ZFC3H1: variants seen among roughly 807,000 people sequenced by gnomAD.
ZFC3H1 encodes zinc finger C3H1-type containing, also known as zinc finger C3H1 domain-containing protein.
Under a neutral mutation model 243.7 loss-of-function variants are expected in ZFC3H1, and 71 were observed. That is an observed-to-expected ratio of 0.29 (90% CI 0.24 to 0.36). The LOEUF (loss-of-function observed/expected upper bound fraction) is 0.36. ZFC3H1 is among the 10% of genes least tolerant of loss of function. The probability of loss-of-function intolerance (pLI) is 1.00; values close to 1 mark genes in which losing one functional copy is unlikely to be tolerated. For synonymous variants in ZFC3H1, 838 were observed against 813.0 expected (o/e 1.03, Z -0.52); for missense variants, 1,966 against 2,317.1 (o/e 0.85, Z 3.11).
At chr12:71,643,458 G>A (rs1880651165) in intron 5 of ZFC3H1, among the ~76,000 whole-genome samples, 2 of 151,420 alleles carry the variant, frequency 1.3e-5, no homozygotes, top group Non-Finnish European at 2.9e-5. Flanking sequence ...AATATTCCTT[G>A]CTTAAGCAAA....
intron 26 of ZFC3H1, among the ~76,000 whole-genome samples, 158 bp from the exon 27 acceptor site, chr12:71,619,567 T>G (rs374464319): frequency 2.0e-5 from 3 of 152,284 alleles, no homozygotes; most frequent in African/African-American, 2.4e-5. Context: ...CTCAGAAAAC[T>G]TTTATATTTT....
At position 71,615,289 on chromosome 12, in the gene ZFC3H1, A is replaced by C; in HGVS notation, c.5172T>G (p.Ile1724Met). The C allele has an allele frequency of 6.2e-7, 1 of 1,613,180 alleles. No individual in the cohort carries two copies. The highest frequency in any genetic ancestry group is 2.2e-5 in the East Asian group (1 of 44,824). Residue 1724 changes from isoleucine (I) to methionine (M), a missense_variant, in exon 28 of 35, where the codon ATT becomes ATG. Physicochemically the swap from Ile to Met is conservative, Grantham distance 10. Around this residue, in one of 4 missense-constraint regions of ZFC3H1, gnomAD observed 1,383 missense variants for 1,723.7 expected, o/e 0.80. Coordinates refer to ENST00000378743, the MANE Select transcript of ZFC3H1 (RefSeq NM_144982.5). ...CTTTACATAAACGAGATGGAATGTC[A>C]ATTGGTCCTGGAATATTTAAGAGAT... ...FRYLLNIPGP[I>M]DIPSRLCKGN...
At chr12:71,630,522 T>C (rs1565812741) in intron 18 of ZFC3H1, 78 bp downstream of exon 18, 1 of 1,509,296 alleles carries the variant, frequency 6.6e-7, no homozygotes, top group Non-Finnish European at 8.9e-7. Context: ...TATTTTACAA[T>C]GTCAACAACT....
At chr12:71,629,456 C>A (rs566185130) in intron 19 of ZFC3H1, among the ~76,000 whole-genome samples, 153 bp downstream of exon 19, 104 of 151,836 alleles carry the variant, frequency 6.8e-4, no homozygotes, top group South Asian at 4.8e-3. Flanking sequence ...CGTGAGCCAG[C>A]GCACCCAGCC....
intron 6 of ZFC3H1, among the ~76,000 whole-genome samples, chr12:71,638,722 A>C (rs1438187088): frequency 6.6e-6 from 1 of 152,176 alleles, no homozygotes; most frequent in African/African-American, 2.4e-5. Flanking sequence ...TTCACTTTAA[A>C]CTAATAATTA....
chr12:71,620,288 C>T lies in ZFC3H1; in HGVS notation c.4772G>A (p.Ser1591Asn), dbSNP rs1471554990. 1 of 1,614,118 alleles carries T rather than the reference C, an allele frequency of 6.2e-7. No individual in the cohort carries two copies. Among genetic ancestry groups the T allele is most frequent in the Non-Finnish European group, 8.5e-7 (1 of 1,180,012 alleles). ...EDAVKACTDE[S>N]LAVEERIEAC... ...CTCTATTCTTTCCTCAACAGCAAGG[C>T]TCTCATCTGTGCAAGCTTTCACTGC... Residue 1591 changes from serine (S) to asparagine (N), a missense_variant, in exon 25 of 35, where the codon AGC becomes AAC. Physicochemically the swap from Ser to Asn is conservative, Grantham distance 46. Transcript: ENST00000378743.
intron 24 of ZFC3H1, 62 bp downstream of exon 24, chr12:71,623,298 T>C (rs1355483563): frequency 7.6e-7 from 1 of 1,315,612 alleles, no homozygotes; most frequent in African/African-American, 1.5e-5. Flanking sequence ...TAATGGGTAG[T>C]TAATGTTCTA....
intron 6 of ZFC3H1, among the ~76,000 whole-genome samples, chr12:71,639,890 C>T (rs11837517): frequency 0.031 from 4,771 of 152,254 alleles, 211 homozygotes; most frequent in African/African-American, 0.11. Flanking sequence ...GTATTAACAG[C>T]AGCCACTTTT....
At position 71,610,990 on chromosome 12, in the gene ZFC3H1, G is replaced by A. The variant is rs1485101545; in HGVS notation, c.5769+68C>T. 3.2e-6 allele frequency: 5 copies of A among 1,560,790 alleles called. No individual in the cohort carries two copies. The East Asian group carries it at 9.0e-5, about 28-fold the overall frequency. ...TTCTGTGCTTTAATTCTTTTAAATTGAGAAGTCAACAAAAGAGACAGAAAA... is the reference window on the plus strand; with the variant it reads ...TTCTGTGCTTTAATTCTTTTAAATTAAGAAGTCAACAAAAGAGACAGAAAA... On this transcript the variant is annotated intron_variant, in intron 33 of 34. Transcript: ENST00000378743.
chr12:71,641,346 T>C (rs1049288173), intron 6 of ZFC3H1, among the ~76,000 whole-genome samples: 1 of 152,160 alleles, frequency 6.6e-6, no homozygotes. Flanking sequence ...ACTAGCCAAA[T>C]AATACATATT....
At position 71,634,144 on chromosome 12, in the gene ZFC3H1, A is replaced by T; in HGVS notation, c.2510+11T>A. 1 of 1,607,972 alleles carries T rather than the reference A, an allele frequency of 6.2e-7. No individual in the cohort carries two copies. The highest frequency in any genetic ancestry group is 8.5e-7 in the Non-Finnish European group (1 of 1,177,588). On this transcript the variant is annotated intron_variant, in intron 12 of 34. Coordinates refer to ENST00000378743, the MANE Select transcript of ZFC3H1 (RefSeq NM_144982.5). ...AGGAACAATTAGATATGTGAAGATA[A>T]CAAGGCTCACCTATGTTTTTTCAGT...
chr12:71,613,766 A>T, intron 30 of ZFC3H1: 1 of 176,072 alleles, frequency 5.7e-6, no homozygotes. Flanking sequence ...TGCTCATGGA[A>T]TGCCCGTGTG....
At chr12:71,620,976 T>C (rs757067889) in intron 24 of ZFC3H1, among the ~76,000 whole-genome samples, 2 of 152,190 alleles carry the variant, frequency 1.3e-5, no homozygotes, top group Non-Finnish European at 2.9e-5. Flanking sequence ...TAACCAAACA[T>C]AAAAGCTCAC....
chr12:71,647,612 T>C lies in ZFC3H1; in HGVS notation c.1080+137A>G, dbSNP rs1014647752. ...TGTCGATCCAGAATTTCTTTAAGGC[T>C]TATGTCCAAATGGAGTTATAGGAAT... On this transcript the variant is annotated intron_variant, in intron 3 of 34. Coordinates refer to ENST00000378743, the MANE Select transcript of ZFC3H1 (RefSeq NM_144982.5). 4 of 537,364 alleles carry C rather than the reference T, an allele frequency of 7.4e-6. No homozygotes were observed. In the African/African-American group the frequency reaches 8.1e-5, roughly 11 times the overall value. 33.3% of individuals were successfully genotyped at this position (537,364 alleles called of 1,614,324 possible).
At chr12:71,625,462 C>A (rs1469468444) in intron 22 of ZFC3H1, among the ~76,000 whole-genome samples, 1 of 152,140 alleles carries the variant, frequency 6.6e-6, no homozygotes, top group Non-Finnish European at 1.5e-5. Context: ...GAGGCCCAGG[C>A]AGGAGGATTG....
chr12:71,658,456 T>A (rs1231995818), intron 1 of ZFC3H1, among the ~76,000 whole-genome samples: 1 of 151,914 alleles, frequency 6.6e-6, no homozygotes, highest in African/African-American at 2.4e-5. Flanking sequence ...GCCCAGCTAA[T>A]TTTTGTATTT....
intron 22 of ZFC3H1, among the ~76,000 whole-genome samples, chr12:71,625,563 G>A (rs1415301755): frequency 6.6e-6 from 1 of 152,052 alleles, no homozygotes; most frequent in Admixed American, 6.6e-5. Flanking sequence ...ATGGTAGCAC[G>A]CATGTGTGGC....
At chr12:71,611,022 T>TAAA (rs777311115) in intron 33 of ZFC3H1, 36 bp downstream of exon 33, 1 of 1,583,056 alleles carries the variant, frequency 6.3e-7, no homozygotes, top group Non-Finnish European at 8.5e-7. Flanking sequence ...AAAAACTTTT[T>TAAA]AAAAGTGACC....
rs1879784857 is a variant in ZFC3H1, at chr12:71,611,950, C to G, written c.5628-63G>C. 3.2e-6 allele frequency: 3 copies of G among 948,120 alleles called. No homozygotes were observed. In the South Asian group the frequency reaches 4.5e-5, roughly 14 times the overall value. The allele number at this position is 948,120 out of a possible 1,614,324, so 58.7% of individuals were successfully genotyped here. On this transcript the variant is annotated intron_variant, in intron 31 of 34. Coordinates refer to ENST00000378743, the MANE Select transcript of ZFC3H1 (RefSeq NM_144982.5). ...AAGTGTAACGAACCCCAAATGTGCT[C>G]TATGAGCACAATGACGAAGTATAAA...
Sources: gnomAD v4.1 joint callset for allele counts (sites outside exome capture counted in the v4.1 genomes callset) on GRCh38, gnomAD v4.1.1 for gene constraint, gnomAD v4.1.1 regional missense constraint, MANE v1.5 for transcripts, NCBI Gene and HGNC (gene_info 2026-07-23, HGNC 2026-07-21) for gene names.